Variants in ROBO1 observed in about 807,000 individuals in gnomAD.
ROBO1 encodes the protein roundabout homolog 1.
In ROBO1, 149 loss-of-function variants were observed where a neutral mutation model predicts 195.9. The ratio of observed to expected loss-of-function variants is 0.76; its 90% CI spans 0.67 to 0.87. The LOEUF is 0.87. Among genes scored for constraint, ROBO1 ranks in the 40% least tolerant of loss-of-function variants. ROBO1 has a pLI of 0.00. For synonymous variants in ROBO1, 816 were observed against 733.2 expected (o/e 1.11, Z -1.82); for missense variants, 1,933 against 2,068.3 (o/e 0.93, Z 1.27).
intron 4 of ROBO1, among the ~76,000 whole-genome samples, chr3:78,861,994 C>A (rs1380141752): frequency 6.6e-6 from 1 of 152,068 alleles, no homozygotes; most frequent in African/African-American, 2.4e-5. Context: ...ATGCCTTAAT[C>A]CCTAGAACAC....
At chr3:78,656,345 A>ATTTTTTTTTTTTT (rs5850382) in intron 18 of ROBO1, among the ~76,000 whole-genome samples, 2 of 88,600 alleles carry the variant, frequency 2.3e-5, no homozygotes, top group Non-Finnish European at 4.4e-5. Context: ...TGCTTATTTG[A>ATTTTTTTTTTTTT]TTTTTTTTTT....
At chr3:79,359,552 G>A (rs975003331) in intron 2 of ROBO1, among the ~76,000 whole-genome samples, 2 of 151,882 alleles carry the variant, frequency 1.3e-5, no homozygotes, top group African/African-American at 4.8e-5. Context: ...TGTTTAAAGG[G>A]TTCTAATGAT....
chr3:79,150,025 G>A (rs1377676666), intron 2 of ROBO1, among the ~76,000 whole-genome samples: 3 of 151,748 alleles, frequency 2.0e-5, no homozygotes, highest in East Asian at 2.0e-4. Context: ...CGTTATCACT[G>A]GGTCCTTGTG....
chr3:78,825,363 G>C (rs539493449), intron 4 of ROBO1, among the ~76,000 whole-genome samples: 7 of 152,200 alleles, frequency 4.6e-5, no homozygotes, highest in African/African-American at 1.7e-4. Context: ...ACCCAAAAAT[G>C]AAAGAAAGAG....
chr3:78,893,594 T>G (rs75990545), intron 4 of ROBO1, among the ~76,000 whole-genome samples: 6,700 of 152,292 alleles, frequency 0.044, 285 homozygotes, highest in African/African-American at 0.12. Context: ...GTATAAATAT[T>G]AGCTAAATAA....
At chr3:78,978,480 C>T (rs1241163213) in intron 3 of ROBO1, among the ~76,000 whole-genome samples, 1 of 152,022 alleles carries the variant, frequency 6.6e-6, no homozygotes, top group Non-Finnish European at 1.5e-5. Flanking sequence ...GAACGCCAGG[C>T]ACCACACACA....
intron 2 of ROBO1, among the ~76,000 whole-genome samples, chr3:79,559,240 G>A (rs1036820707): frequency 8.5e-5 from 13 of 152,278 alleles, no homozygotes; most frequent in African/African-American, 3.1e-4. Flanking sequence ...GCACAGTAGA[G>A]CTCTCTGACC....
intron 2 of ROBO1, among the ~76,000 whole-genome samples, chr3:79,426,398 T>A (rs1327348523): frequency 3.3e-5 from 5 of 152,112 alleles, no homozygotes; most frequent in Admixed American, 6.6e-5. Context: ...TGAGATGGAG[T>A]CTTGCTCTGT....
At chr3:79,376,398 G>A (rs564912116) in intron 2 of ROBO1, among the ~76,000 whole-genome samples, 2 of 152,236 alleles carry the variant, frequency 1.3e-5, no homozygotes, top group South Asian at 4.1e-4. Context: ...TCTCTTCTGT[G>A]TTAGAATGAA....
chr3:79,436,176 GT>G (rs2038879957), intron 2 of ROBO1, among the ~76,000 whole-genome samples: 1 of 152,068 alleles, frequency 6.6e-6, no homozygotes, highest in Admixed American at 6.6e-5. Flanking sequence ...TTAATAATAT[GT>G]GCTAATGAAT....
intron 2 of ROBO1, among the ~76,000 whole-genome samples, chr3:79,420,953 A>G (rs1210155998): frequency 2.0e-5 from 3 of 152,136 alleles, no homozygotes; most frequent in Non-Finnish European, 4.4e-5. Context: ...TATTCACAAG[A>G]GCAAAGAAAT....
At chr3:79,338,655 C>A (rs1453137607) in intron 2 of ROBO1, among the ~76,000 whole-genome samples, 1 of 152,098 alleles carries the variant, frequency 6.6e-6, no homozygotes, top group Non-Finnish European at 1.5e-5. Context: ...CTTTCTACAT[C>A]TCTGTTCTTT....
intron 4 of ROBO1, among the ~76,000 whole-genome samples, chr3:78,932,656 T>C (rs138373165): frequency 5.5e-4 from 84 of 152,226 alleles, no homozygotes; most frequent in African/African-American, 2.0e-3. Context: ...GTAAATATTA[T>C]TGAACAGTAA....
intron 1 of ROBO1, among the ~76,000 whole-genome samples, chr3:79,632,437 G>C (rs910403987): frequency 5.3e-5 from 8 of 151,986 alleles, no homozygotes; most frequent in African/African-American, 1.9e-4. Flanking sequence ...GGTACACATC[G>C]ACACACAGAA....
intron 8 of ROBO1, among the ~76,000 whole-genome samples, chr3:78,710,060 A>G (rs979172032): frequency 5.9e-5 from 9 of 152,162 alleles, no homozygotes; most frequent in Admixed American, 2.0e-4. Flanking sequence ...AATAGCCCGT[A>G]AGGATTTTTA....
At chr3:79,516,530 T>G (rs1940951940) in intron 2 of ROBO1, among the ~76,000 whole-genome samples, 1 of 152,176 alleles carries the variant, frequency 6.6e-6, no homozygotes, top group Admixed American at 6.6e-5. Context: ...TATTTTTAGT[T>G]ACTTTTTAAC....
rs149673718 is a variant in ROBO1 at position 78,757,304 on chromosome 3, G to A, written c.500-10404C>T. On this transcript the variant is annotated intron_variant, in intron 4 of 30. Coordinates refer to ENST00000464233, the MANE Select transcript of ROBO1 (RefSeq NM_002941.4). ...ACTCAAGGTTGCACGATGAGTGATC[G>A]AACACAACCTGAAACAGATGTTTTC... 5.9e-3 allele frequency among the ~76,000 whole-genome samples: 894 copies of A among 152,268 alleles called. 4 individuals carry two copies. Among genetic ancestry groups the A allele is most frequent in the Non-Finnish European group, 0.01 (695 of 68,026 alleles).
At chr3:78,932,756 C>T (rs116024677) in intron 4 of ROBO1, among the ~76,000 whole-genome samples, 1,564 of 152,150 alleles carry the variant, frequency 0.01, 11 homozygotes, top group Non-Finnish European at 0.015. Context: ...AAAGACTAGA[C>T]GGATACACAC....
intron 2 of ROBO1, among the ~76,000 whole-genome samples, chr3:79,300,486 A>C (rs1405210100): frequency 6.6e-6 from 1 of 152,160 alleles, no homozygotes. Context: ...GCAGCCCGCC[A>C]TGCCTGAGCC....
Sources: gnomAD v4.1 joint callset for allele counts (sites outside exome capture counted in the v4.1 genomes callset) on GRCh38, gnomAD v4.1.1 for gene constraint, MANE v1.5 for transcripts, NCBI Gene and HGNC (gene_info 2026-07-23, HGNC 2026-07-21) for gene names.